Variants in EPHA7 observed in about 807,000 individuals in gnomAD.
EPHA7 encodes EPH receptor A7.
In EPHA7, 25 loss-of-function variants were observed where a neutral mutation model predicts 112.6. The ratio of observed to expected loss-of-function variants is 0.22; its 90% CI spans 0.16 to 0.31. The LOEUF (loss-of-function observed/expected upper bound fraction) is 0.31. EPHA7 is among the 10% of genes least tolerant of loss of function. The pLI is 1.00. For missense variants in EPHA7, 962 were observed against 1,212.6 expected, an observed-to-expected ratio of 0.79 and a Z score of 3.07; for synonymous variants, 437 against 406.5, an observed-to-expected ratio of 1.07 and a Z score of -0.90.
At chr6:93,326,974 C>G (rs1774353351) in intron 5 of EPHA7, among the ~76,000 whole-genome samples, 1 of 151,536 alleles carries the variant, frequency 6.6e-6, no homozygotes, top group Non-Finnish European at 1.5e-5. Context: ...TGTGAGTTAC[C>G]TCATATTTCC....
intron 14 of EPHA7, among the ~76,000 whole-genome samples, chr6:93,248,058 A>G (rs1562041370): frequency 6.6e-6 from 1 of 152,088 alleles, no homozygotes; most frequent in Non-Finnish European, 1.5e-5. Context: ...GGAAGAACAA[A>G]TCCTTTGACA....
intron 5 of EPHA7, among the ~76,000 whole-genome samples, chr6:93,334,051 G>C (rs1774735280): frequency 6.6e-6 from 1 of 151,930 alleles, no homozygotes; most frequent in Admixed American, 6.6e-5. Flanking sequence ...AACCAAAGCA[G>C]CATGGTATTG....
chr6:93,381,100 T>C (rs566623666), intron 3 of EPHA7, among the ~76,000 whole-genome samples: 1 of 152,298 alleles, frequency 6.6e-6, no homozygotes, highest in Admixed American at 6.5e-5. Context: ...TACATAATTA[T>C]TTTTTTCTGA....
At chr6:93,382,238 G>A (rs351344) in intron 3 of EPHA7, among the ~76,000 whole-genome samples, 5,429 of 152,140 alleles carry the variant, frequency 0.036, 320 homozygotes, top group African/African-American at 0.12. Flanking sequence ...CCAGGGTGGG[G>A]GCTGGGTAGA....
At chr6:93,279,854 T>C (rs1271339912) in intron 5 of EPHA7, among the ~76,000 whole-genome samples, 1 of 152,172 alleles carries the variant, frequency 6.6e-6, no homozygotes, top group African/African-American at 2.4e-5. Context: ...TGGTGCTAGC[T>C]ACTTATCTGT....
At chr6:93,391,737 G>T (rs1271816657) in intron 3 of EPHA7, among the ~76,000 whole-genome samples, 1 of 151,782 alleles carries the variant, frequency 6.6e-6, no homozygotes, top group Non-Finnish European at 1.5e-5. Context: ...AACAGAGGAA[G>T]GGGAAGCTGG....
At chr6:93,378,571 C>T (rs1777175333) in intron 3 of EPHA7, among the ~76,000 whole-genome samples, 1 of 151,878 alleles carries the variant, frequency 6.6e-6, no homozygotes, top group Non-Finnish European at 1.5e-5. Context: ...TTTCACTTAT[C>T]CAGAATACAT....
At chr6:93,360,534 T>A (rs1029387951) in intron 3 of EPHA7, among the ~76,000 whole-genome samples, 4 of 152,102 alleles carry the variant, frequency 2.6e-5, no homozygotes, top group African/African-American at 9.7e-5. Context: ...GGCAACACGA[T>A]TTAACATTTC....
At chr6:93,339,446 T>C (rs760293638) in intron 5 of EPHA7, among the ~76,000 whole-genome samples, 1 of 151,834 alleles carries the variant, frequency 6.6e-6, no homozygotes, top group Non-Finnish European at 1.5e-5. Flanking sequence ...TTCTACTACA[T>C]CAACACCACT....
chr6:93,347,352 T>C (rs1775452207), intron 5 of EPHA7, among the ~76,000 whole-genome samples: 1 of 151,832 alleles, frequency 6.6e-6, no homozygotes, highest in Non-Finnish European at 1.5e-5. Flanking sequence ...AAACCTGTCT[T>C]GGACATTGAA....
chr6:93,405,797 GTGTGTGTGTGTGTGTGTATATATATA>G (rs1211259684), intron 3 of EPHA7, among the ~76,000 whole-genome samples: 2 of 53,250 alleles, frequency 3.8e-5, no homozygotes, highest in African/African-American at 1.7e-4. Context: ...GTGTGTGTGT[GTGTGTGTGTGTGTGTGTATATATATA>G]TATATATATA....
At chr6:93,259,329 A>T (rs1322386359) in intron 10 of EPHA7, 25 bp downstream of exon 10, 1 of 1,609,734 alleles carries the variant, frequency 6.2e-7, no homozygotes, top group East Asian at 2.2e-5. Flanking sequence ...GGAACAGCTG[A>T]ACGAGGAAGC....
At chr6:93,314,626 T>C (rs1773705341) in intron 5 of EPHA7, among the ~76,000 whole-genome samples, 1 of 152,090 alleles carries the variant, frequency 6.6e-6, no homozygotes, top group South Asian at 2.1e-4. Flanking sequence ...AGGTGTTATT[T>C]GAAGAATACA....
chr6:93,262,942 A>G (rs1281438693), intron 9 of EPHA7, among the ~76,000 whole-genome samples: 1 of 151,446 alleles, frequency 6.6e-6, no homozygotes, highest in African/African-American at 2.4e-5. Flanking sequence ...CTTCACAGAT[A>G]TTGACATAAG....
rs1211094654 is a variant in EPHA7, at chr6:93,411,238, G to A, written c.163-68C>T. On this transcript the variant is annotated intron_variant, in intron 2 of 16. Transcript: ENST00000369303. Reference sequence around the variant, plus strand: ...TAACATTTTGCTTTTGAAAGTGCAAGTACTTCACAAATACAGATCTTCGAA... The same window carrying A: ...TAACATTTTGCTTTTGAAAGTGCAAATACTTCACAAATACAGATCTTCGAA... 11 of 1,295,784 alleles carry A rather than the reference G, an allele frequency of 8.5e-6. No homozygotes were observed. In the Admixed American group the frequency reaches 1.8e-4, roughly 21 times the overall value. The allele number at this position is 1,295,784 out of a possible 1,614,324, so 80.3% of individuals were successfully genotyped here.
At chr6:93,379,970 A>C (rs1340258446) in intron 3 of EPHA7, among the ~76,000 whole-genome samples, 2 of 152,052 alleles carry the variant, frequency 1.3e-5, no homozygotes, top group African/African-American at 4.8e-5. Flanking sequence ...ACAAGTTTAA[A>C]ACTGTGAAAA....
At chr6:93,350,665 T>C (rs1336530460) in intron 5 of EPHA7, among the ~76,000 whole-genome samples, 1 of 152,046 alleles carries the variant, frequency 6.6e-6, no homozygotes, top group Non-Finnish European at 1.5e-5. Flanking sequence ...CACACCCTGA[T>C]GGCAGATTCT....
chr6:93,352,995 AATACCTGGGT>A (rs1775771594), intron 5 of EPHA7, among the ~76,000 whole-genome samples: 1 of 152,068 alleles, frequency 6.6e-6, no homozygotes, highest in African/African-American at 2.4e-5. Context: ...CAGTAGGCTT[AATACCTGGGT>A]GATGAAATAA....
At chr6:93,265,321 T>C (rs947191580) in intron 7 of EPHA7, among the ~76,000 whole-genome samples, 6 of 151,720 alleles carry the variant, frequency 4.0e-5, no homozygotes, top group African/African-American at 1.4e-4. Flanking sequence ...TAGCCTATTT[T>C]AGAAAAAGCA....
Sources: gnomAD v4.1 joint callset for allele counts (sites outside exome capture counted in the v4.1 genomes callset) on GRCh38, gnomAD v4.1.1 for gene constraint, MANE v1.5 for transcripts, NCBI Gene and HGNC (gene_info 2026-07-23, HGNC 2026-07-21) for gene names.